Variants in CELF5 observed in about 807,000 individuals in gnomAD.
CELF5 encodes CUG-BP and ETR-3 like factor 5.
CELF5 carries 6 observed loss-of-function variants against 54.9 expected under a neutral mutation model. The observed-to-expected ratio is 0.11, with a 90% CI of 0.06 to 0.22. The LOEUF (loss-of-function observed/expected upper bound fraction) is 0.22, where lower values mean the gene tolerates loss of function less well. CELF5 is among the 10% of genes least tolerant of loss of function. The pLI is 1.00. For missense variants in CELF5, 401 were observed against 678.6 expected (o/e 0.59, Z 4.54); for synonymous variants, 271 against 290.9 (o/e 0.93, Z 0.70).
intron 1 of CELF5, among the ~76,000 whole-genome samples, chr19:3,235,340 C>T (rs1203676620): frequency 2.0e-5 from 3 of 151,950 alleles, no homozygotes; most frequent in African/African-American, 7.2e-5. Flanking sequence ...CAAATGAAGA[C>T]CTCTAACATA....
intron 11 of CELF5, 24 bp downstream of exon 11, chr19:3,290,398 C>G (rs1481484770): frequency 6.2e-7 from 1 of 1,611,186 alleles, no homozygotes; most frequent in African/African-American, 1.3e-5. Flanking sequence ...GACGCCACCC[C>G]TCCCCATCCA....
At chr19:3,263,883 C>T (rs962761731) in intron 2 of CELF5, among the ~76,000 whole-genome samples, 4 of 151,822 alleles carry the variant, frequency 2.6e-5, no homozygotes, top group East Asian at 1.9e-4. Context: ...CCAGGCTGGG[C>T]GATACAGTGA....
intron 1 of CELF5, among the ~76,000 whole-genome samples, chr19:3,241,208 C>T (rs568831935): frequency 9.6e-4 from 145 of 151,490 alleles, no homozygotes; most frequent in Non-Finnish European, 1.5e-3. Context: ...ATTACAGGCA[C>T]GAACCACCAC....
At chr19:3,251,669 T>TGTTG (rs1347651623) in intron 2 of CELF5, among the ~76,000 whole-genome samples, 86 of 138,090 alleles carry the variant, frequency 6.2e-4, no homozygotes, top group African/African-American at 2.2e-3. Flanking sequence ...TTTTTTTTTT[T>TGTTG]TTTTTGTTGT....
chr19:3,296,434 G>GAAAAAAAAAAAAAAAAAAAAAAGA (rs2080451806), intron 12 of CELF5: 19 of 54,850 alleles, frequency 3.5e-4, no homozygotes, highest in Non-Finnish European at 4.5e-4. Context: ...AAACCACACA[G>GAAAAAAAAAAAAAAAAAAAAAAGA]AAAAAAAAAA....
chr19:3,261,847 AG>A (rs1599433485), intron 2 of CELF5, among the ~76,000 whole-genome samples: 1 of 151,996 alleles, frequency 6.6e-6, no homozygotes, highest in African/African-American at 2.4e-5. Context: ...CAAAAACAGG[AG>A]GGGCCCAGAA....
rs1345588834 is a variant in CELF5 at position 3,293,323 on chromosome 19, C to T, written c.1335C>T (p.Phe445=). 2.5e-6 allele frequency: 4 copies of T among 1,614,006 alleles called. No homozygotes were observed. Among genetic ancestry groups the T allele is most frequent in the Non-Finnish European group, 3.4e-6 (4 of 1,179,982 alleles). Residue 445 remains phenylalanine, a synonymous_variant, in exon 12 of 13, where the codon TTC becomes TTT. Coordinates refer to ENST00000292672, the MANE Select transcript of CELF5 (RefSeq NM_021938.4). ...RATNQSKCFG[F]VSFDNPASAQ... ...GGTCCACCCTGGTTTCTGCAGGCTT[C>T]GTGAGCTTTGATAACCCGGCCAGCG...
At chr19:3,271,564 G>C (rs1011029204) in intron 2 of CELF5, among the ~76,000 whole-genome samples, 4 of 152,138 alleles carry the variant, frequency 2.6e-5, no homozygotes, top group Non-Finnish European at 5.9e-5. Context: ...CCCAAAGACT[G>C]AGTTCAAATT....
Position 3,226,711 on chromosome 19 carries a change from G to A in CELF5, c.259+1713G>A, listed in dbSNP as rs543916645. On this transcript the variant is annotated intron_variant, in intron 1 of 12. Coordinates refer to ENST00000292672, the MANE Select transcript of CELF5 (RefSeq NM_021938.4). ...TGAAAGGCCGCTGGTTGAGCTCTAG[G>A]TCGGAGAGACAGGTGGGGGTGCAGG... Among the ~76,000 whole-genome samples the A allele has an allele frequency of 2.0e-5, 3 of 151,936 alleles. 1 individual carries two copies. The South Asian group carries it at 6.2e-4, about 32-fold the overall frequency.
intron 1 of CELF5, 26 bp downstream of exon 1, chr19:3,225,024 C>G: frequency 1.5e-6 from 2 of 1,340,294 alleles, no homozygotes; most frequent in Non-Finnish European, 2.0e-6. Context: ...CCTCCCCCCT[C>G]TCCCCCTCCC....
At chr19:3,285,906 C>A in intron 9 of CELF5, 36 bp from the exon 10 acceptor site, 1 of 1,499,120 alleles carries the variant, frequency 6.7e-7, no homozygotes, top group South Asian at 1.3e-5. Flanking sequence ...GGCCTCACGC[C>A]CCTCCTCGCC....
intron 2 of CELF5, among the ~76,000 whole-genome samples, chr19:3,262,837 G>A (rs2145188495): frequency 6.6e-6 from 1 of 152,240 alleles, no homozygotes. Flanking sequence ...TACTTGGGAG[G>A]CTGAGACAGG....
chr19:3,290,081 G>A (rs1458949150), intron 10 of CELF5, 150 bp from the exon 11 acceptor site: 12 of 606,018 alleles, frequency 2.0e-5, no homozygotes, highest in South Asian at 1.4e-4. Flanking sequence ...TCCCCAGCCC[G>A]TGGCCAGGCC....
At chr19:3,292,313 T>G (rs2080364636) in intron 11 of CELF5, among the ~76,000 whole-genome samples, 3 of 151,550 alleles carry the variant, frequency 2.0e-5, no homozygotes, top group South Asian at 4.2e-4. Context: ...GTTTTTTTTT[T>G]TTTTTTTGAA....
At position 3,264,513 on chromosome 19, in the gene CELF5, T is replaced by C. The variant is rs2079853373; in HGVS notation, c.343-9359T>C. Reference sequence around the variant, plus strand: ...TCACTGCAAGCTTGGCCTCCCGGGTTCACGCTATTCTCCTGCCTCAGCCTC... The same window carrying C: ...TCACTGCAAGCTTGGCCTCCCGGGTCCACGCTATTCTCCTGCCTCAGCCTC... On this transcript the variant is annotated intron_variant, in intron 2 of 12. Transcript: ENST00000292672. Among the ~76,000 whole-genome samples the C allele has an allele frequency of 3.3e-5, 5 of 151,912 alleles. No homozygotes were observed. The South Asian group carries it at 1.0e-3, about 32-fold the overall frequency.
chr19:3,273,933 T>G lies in CELF5; in HGVS notation c.394+10T>G. 1 of 1,612,068 alleles carries G rather than the reference T, an allele frequency of 6.2e-7. No individual in the cohort carries two copies. The highest frequency in any genetic ancestry group is 1.3e-5 in the African/African-American group (1 of 75,004). Reference sequence around the variant, plus strand: ...GAAAGCCGCGGAGGTAGTTGTCATCTCTCCGTGGCTGCCAGGCTGGGGGTT... The same window carrying G: ...GAAAGCCGCGGAGGTAGTTGTCATCGCTCCGTGGCTGCCAGGCTGGGGGTT... On this transcript the variant is annotated intron_variant, in intron 3 of 12. Transcript: ENST00000292672.
intron 4 of CELF5, 25 bp downstream of exon 4, chr19:3,276,009 A>G: frequency 8.1e-7 from 1 of 1,239,618 alleles, no homozygotes; most frequent in Non-Finnish European, 1.0e-6. Context: ...CCGGGGCGGG[A>G]CTGCGAGAGG....
At chr19:3,248,505 T>C (rs2079597863) in intron 1 of CELF5, among the ~76,000 whole-genome samples, 1 of 152,108 alleles carries the variant, frequency 6.6e-6, no homozygotes, top group African/African-American at 2.4e-5. Context: ...CCGAGCATGG[T>C]GTTCTCAAGG....
intron 1 of CELF5, among the ~76,000 whole-genome samples, chr19:3,249,047 C>T (rs2079611454): frequency 6.6e-6 from 1 of 151,940 alleles, no homozygotes; most frequent in Non-Finnish European, 1.5e-5. Flanking sequence ...GGATTCCCTA[C>T]CCCCTCCCCA....
Sources: gnomAD v4.1 joint callset for allele counts (sites outside exome capture counted in the v4.1 genomes callset) on GRCh38, gnomAD v4.1.1 for gene constraint, MANE v1.5 for transcripts, NCBI Gene and HGNC (gene_info 2026-07-23, HGNC 2026-07-21) for gene names.